UGT1A5: variants seen among roughly 807,000 people sequenced by gnomAD.
UGT1A5 encodes the protein UDP glucuronosyltransferase family 1 member A5.
A neutral mutation model predicts 40.3 loss-of-function variants in UGT1A5; 29 were observed. The observed-to-expected ratio is 0.72, with a 90% CI of 0.54 to 0.98. UGT1A5 has a LOEUF of 0.98. UGT1A5 is among the 50% of genes least tolerant of loss of function. The pLI, the probability that UGT1A5 is intolerant of heterozygous loss-of-function variation, is 0.00. For missense variants in UGT1A5, 678 were observed against 677.9 expected (o/e 1.00, Z 0.00); for synonymous variants, 257 against 262.5 (o/e 0.98, Z 0.20).
intron 1 of UGT1A5, among the ~76,000 whole-genome samples, chr2:233,752,117 AGAT>A (rs1222756938): frequency 6.6e-6 from 1 of 152,242 alleles, no homozygotes; most frequent in African/African-American, 2.4e-5. Flanking sequence ...GAGGAGAAGA[AGAT>A]GATGGACAGA....
chr2:233,721,861 C>G, intron 1 of UGT1A5: 1 of 507,540 alleles, frequency 2.0e-6, no homozygotes, highest in South Asian at 1.4e-5. Context: ...CTGCTCGGCC[C>G]TGGGCACACT....
At chr2:233,736,685 C>G (rs1295548714) in intron 1 of UGT1A5, among the ~76,000 whole-genome samples, 6 of 152,124 alleles carry the variant, frequency 3.9e-5, no homozygotes, top group African/African-American at 1.4e-4. Flanking sequence ...TGTTGGTGAC[C>G]TACAGATGGG....
chr2:233,725,080 G>A (rs1417813271), intron 1 of UGT1A5, among the ~76,000 whole-genome samples: 3 of 144,008 alleles, frequency 2.1e-5, no homozygotes, highest in Non-Finnish European at 4.6e-5. Context: ...GCAGGCACTC[G>A]GCAGGCTGAG....
At chr2:233,731,724 G>T (rs2078197390) in intron 1 of UGT1A5, among the ~76,000 whole-genome samples, 1 of 152,166 alleles carries the variant, frequency 6.6e-6, no homozygotes, top group Non-Finnish European at 1.5e-5. Context: ...TTGCTATTGT[G>T]AATAGTGCCA....
chr2:233,751,620 T>A (rs1457712151), intron 1 of UGT1A5, among the ~76,000 whole-genome samples: 2 of 152,180 alleles, frequency 1.3e-5, no homozygotes, highest in Non-Finnish European at 2.9e-5. Flanking sequence ...GGTGATTGGA[T>A]CATGTGTGCA....
At chr2:233,720,981 G>A (rs746699495) in intron 1 of UGT1A5, among the ~76,000 whole-genome samples, 2 of 151,748 alleles carry the variant, frequency 1.3e-5, no homozygotes, top group Non-Finnish European at 2.9e-5. Flanking sequence ...AAAGTGCTGG[G>A]ATTACAGGCA....
intron 1 of UGT1A5, among the ~76,000 whole-genome samples, chr2:233,737,452 T>A (rs1303552589): frequency 6.6e-6 from 1 of 152,148 alleles, no homozygotes; most frequent in Non-Finnish European, 1.5e-5. Flanking sequence ...TTTTTCCAGG[T>A]ACAGTCTGTC....
At chr2:233,731,424 A>G (rs1264349452) in intron 1 of UGT1A5, among the ~76,000 whole-genome samples, 1 of 151,642 alleles carries the variant, frequency 6.6e-6, no homozygotes, top group East Asian at 1.9e-4. Context: ...TCCTAATGCC[A>G]TCCCTCCCCC....
intron 1 of UGT1A5, among the ~76,000 whole-genome samples, chr2:233,727,362 C>G (rs1360836232): frequency 6.6e-6 from 1 of 152,136 alleles, no homozygotes; most frequent in Admixed American, 6.5e-5. Context: ...ATCCTTAGGG[C>G]CCCTAGGTCT....
Position 233,740,185 on chromosome 2 carries a change from CCT to C in UGT1A5, c.867+26330_867+26331del, listed in dbSNP as rs573081380. On this transcript the variant is annotated intron_variant, in intron 1 of 4. Transcript: ENST00000373414. ...CATGTGGAACTGTGAGTCAATTAAA[CCT>C]CTTTCTTTTATAAATTACCCAGTCT... Among the ~76,000 whole-genome samples, 45 of 151,974 alleles carry C rather than the reference CCT, an allele frequency of 3.0e-4. 2 individuals are homozygous for C. Among genetic ancestry groups the C allele is most frequent in the African/African-American group, 9.9e-4 (41 of 41,240 alleles).
In UGT1A5 at chr2:233,767,150, C is replaced by A. The variant is rs1699320624; in HGVS notation, c.984C>A (p.Gly328=). 4 of 1,613,942 alleles carry A rather than the reference C, an allele frequency of 2.5e-6. No individual in the cohort carries two copies. The highest frequency in any genetic ancestry group is 1.6e-4 in the Middle Eastern group (1 of 6,082). Residue 328 remains glycine (G), a synonymous_variant, in exon 2 of 5, where the codon GGC becomes GGA. Coordinates refer to ENST00000373414, the MANE Select transcript of UGT1A5 (RefSeq NM_019078.2). The part of the protein sequence containing the change: ...KKAMAIADAL[G]KIPQTVLWRY... ...CTATGGCAATTGCTGATGCTTTGGG[C>A]AAAATCCCTCAGACAGTAAGAAGAT...
chr2:233,769,480 CGT>C lies in UGT1A5; in HGVS notation c.1307+1046_1307+1047del. 6.3e-7 allele frequency: 1 copy of C among 1,596,850 alleles called. No individual in the cohort carries two copies. Among genetic ancestry groups the C allele is most frequent in the East Asian group, 2.2e-5 (1 of 44,628 alleles). ...ATTCATATGCGTGTGTGTGTGTGTG[CGT>C]GTGTTTATGAGAGTGTCCATTGCTT... On this transcript the variant is annotated intron_variant, in intron 4 of 4. Transcript: ENST00000373414. The surrounding 1 kb of genome is among the most constrained non-coding windows in gnomAD (Gnocchi z 4.4).
At chr2:233,761,243 G>A (rs1268898166) in intron 1 of UGT1A5, 4 of 1,611,300 alleles carry the variant, frequency 2.5e-6, no homozygotes, top group Non-Finnish European at 3.4e-6. Flanking sequence ...TGCTGAGCAA[G>A]CATTCTGAGA....
At chr2:233,735,161 A>C (rs139257330) in intron 1 of UGT1A5, among the ~76,000 whole-genome samples, 2,795 of 152,264 alleles carry the variant, frequency 0.018, 41 homozygotes, top group Non-Finnish European at 0.028. Context: ...GTCTCTGTGT[A>C]GGTCTCTAAG....
At chr2:233,749,097 G>C (rs753925486) in intron 1 of UGT1A5, among the ~76,000 whole-genome samples, 1 of 151,770 alleles carries the variant, frequency 6.6e-6, no homozygotes, top group Non-Finnish European at 1.5e-5. Context: ...TATTTCATGA[G>C]AGAATTCAGC....
chr2:233,719,327 T>C, intron 1 of UGT1A5: 1 of 1,613,988 alleles, frequency 6.2e-7, no homozygotes, highest in Non-Finnish European at 8.5e-7. Flanking sequence ...CGATTCCTGC[T>C]GTGTTTTTTT....
rs72551358 is a variant in UGT1A5 at position 233,772,345 on chromosome 2, A to T, written c.1391A>T (p.Glu464Val). Residue 464 changes from glutamate (E) to valine (V), a missense_variant, in exon 5 of 5, where the codon GAG becomes GTG. Coordinates refer to ENST00000373414, the MANE Select transcript of UGT1A5 (RefSeq NM_019078.2). ...CTGGACCTGGCCGTGTTCTGGGTGGAGTTTGTGATGAGGCACAAGGGCGCG... is the reference window on the plus strand; with the variant it reads ...CTGGACCTGGCCGTGTTCTGGGTGGTGTTTGTGATGAGGCACAAGGGCGCG... ...EPLDLAVFWV[E>V]FVMRHKGAPH... 7 of 1,614,196 alleles carry T rather than the reference A, an allele frequency of 4.3e-6. No homozygotes were observed. In the South Asian group the frequency reaches 7.7e-5, roughly 18 times the overall value.
intron 1 of UGT1A5, chr2:233,721,814 C>T: frequency 1.9e-6 from 1 of 515,666 alleles, no homozygotes; most frequent in Non-Finnish European, 3.9e-6. Flanking sequence ...AAAAATCCAG[C>T]ACCCTATTTG....
intron 2 of UGT1A5, 73 bp from the exon 3 acceptor site, chr2:233,767,776 G>A: frequency 1.2e-6 from 2 of 1,612,490 alleles, no homozygotes; most frequent in Admixed American, 1.7e-5. Context: ...CTGTTTTCTA[G>A]TTAGTATAGC....
Sources: gnomAD v4.1 joint callset for allele counts (sites outside exome capture counted in the v4.1 genomes callset) on GRCh38, gnomAD v4.1.1 for gene constraint, Gnocchi (gnomAD v3.1) non-coding constraint, MANE v1.5 for transcripts, NCBI Gene and HGNC (gene_info 2026-07-23, HGNC 2026-07-21) for gene names.